Variants in PASD1 observed in about 807,000 individuals in gnomAD.
PASD1 encodes circadian clock protein PASD1.
PASD1 carries 13 observed loss-of-function variants against 58.8 expected under a neutral mutation model. The ratio of observed to expected loss-of-function variants is 0.22; its 90% confidence interval spans 0.14 to 0.35. PASD1 has a LOEUF of 0.35. PASD1 is among the 10% of genes least tolerant of loss of function. The pLI, the probability that PASD1 is intolerant of heterozygous loss-of-function variation, is 1.00. For synonymous variants in PASD1, 236 were observed against 216.7 expected, an observed-to-expected ratio of 1.09 and a Z score of -0.78; for missense variants, 734 against 568.3, an observed-to-expected ratio of 1.29 and a Z score of -2.96.
rs2012999176 is a variant in PASD1, at chrX:151,576,025, A to G, written c.-28+12186A>G. 5.4e-4 allele frequency among the ~76,000 whole-genome samples: 13 copies of G among 24,263 alleles called. 1 individual carries two copies. The South Asian group carries it at 0.07, about 130-fold the overall frequency. 21.1% of individuals were successfully genotyped at this position (24,263 alleles called of 115,157 possible). ...ATTACAGGCACCTGCCACCATACCT[A>G]ATTTTTTTTTTTTTGTATTTTTAGA... is the stretch of plus-strand genomic sequence containing the variant. On this transcript the variant is annotated intron_variant, in intron 1 of 15. Coordinates refer to ENST00000370357, the MANE Select transcript of PASD1 (RefSeq NM_173493.3).
At chrX:151,658,665 A>G (rs1005275285) in intron 9 of PASD1, among the ~76,000 whole-genome samples, 3 of 112,214 alleles carry the variant, frequency 2.7e-5, no homozygotes, top group African/African-American at 9.7e-5. Context: ...GGAGTATAAA[A>G]CATAGTCATT....
intron 8 of PASD1, among the ~76,000 whole-genome samples, chrX:151,642,604 T>C (rs771394015): frequency 8.9e-6 from 1 of 112,382 alleles, no homozygotes; most frequent in East Asian, 2.8e-4. Flanking sequence ...GAATGCATTT[T>C]CTAATTTTTC....
At chrX:151,656,425 T>C (rs1323304212) in intron 9 of PASD1, among the ~76,000 whole-genome samples, 5 of 111,865 alleles carry the variant, frequency 4.5e-5, no homozygotes, top group Admixed American at 1.9e-4. Context: ...GGGGATGGCA[T>C]TGAATCTATA....
At chrX:151,570,204 T>A (rs1163027644) in intron 1 of PASD1, among the ~76,000 whole-genome samples, 1 of 111,261 alleles carries the variant, frequency 9.0e-6, no homozygotes, top group African/African-American at 3.3e-5. Context: ...CTTCTCAAAG[T>A]TGAAATAAAG....
At chrX:151,671,006 A>T (rs1401230853) in intron 11 of PASD1, 32 bp from the exon 12 acceptor site, 1 of 1,195,893 alleles carries the variant, frequency 8.4e-7, no homozygotes, top group African/African-American at 1.8e-5. Flanking sequence ...CAGTGTTGCT[A>T]TACATGAACC....
intron 14 of PASD1, chrX:151,673,280 A>C (rs1403999836): frequency 8.5e-6 from 1 of 116,984 alleles, no homozygotes; most frequent in Non-Finnish European, 1.8e-5. Context: ...TCAGCAATGA[A>C]AGGATTGCTT....
chrX:151,661,722 T>G (rs2124309029), intron 10 of PASD1, among the ~76,000 whole-genome samples: 1 of 109,367 alleles, frequency 9.1e-6, no homozygotes, highest in Admixed American at 9.8e-5. Flanking sequence ...GTGTTTTTAG[T>G]TTCTTCCAGT....
In PASD1 at chrX:151,672,234, C is replaced by T. The variant is rs779976833; in HGVS notation, c.1489C>T (p.Arg497Trp). ...CCTGAAGGAGCAGCAGCGGCAGCTGCGGGAGCAGCTGCAACAGCTGAGAGA... is the reference window on the plus strand; with the variant it reads ...CCTGAAGGAGCAGCAGCGGCAGCTGTGGGAGCAGCTGCAACAGCTGAGAGA... ...QHLKEQQRQL[R>W]EQLQQLREQR... Residue 497 changes from arginine (R) to tryptophan (W), a missense_variant, in exon 14 of 16, where the codon CGG (arginine) becomes TGG (tryptophan). Physicochemically the swap from Arg to Trp is moderately radical, Grantham distance 101. Coordinates refer to ENST00000370357, the MANE Select transcript of PASD1 (RefSeq NM_173493.3). The T allele has an allele frequency of 9.7e-5, 110 of 1,138,102 alleles. No homozygotes were observed. The highest frequency in any genetic ancestry group is 1.5e-4 in the African/African-American group (8 of 54,838). 93.8% of individuals were successfully genotyped at this position (1,138,102 alleles called of 1,213,427 possible).
chrX:151,664,760 C>T (rs189442213), intron 11 of PASD1, among the ~76,000 whole-genome samples: 1 of 112,022 alleles, frequency 8.9e-6, no homozygotes, highest in Admixed American at 9.5e-5. Flanking sequence ...CCAACCCTCT[C>T]CCTGCACCAC....
chrX:151,652,541 A>C (rs1441051432), intron 9 of PASD1, among the ~76,000 whole-genome samples: 5 of 105,506 alleles, frequency 4.7e-5, no homozygotes, highest in African/African-American at 1.4e-4. Context: ...TCAAAAAAAA[A>C]AAAAACAAAA....
chrX:151,634,278 C>G (rs1166199725), intron 8 of PASD1, among the ~76,000 whole-genome samples: 1 of 110,681 alleles, frequency 9.0e-6, no homozygotes, highest in Non-Finnish European at 1.9e-5. Context: ...TTCTCTCTCT[C>G]TTCATATAGA....
chrX:151,579,321 G>A (rs994634284), intron 1 of PASD1, among the ~76,000 whole-genome samples: 7 of 111,931 alleles, frequency 6.3e-5, no homozygotes, highest in African/African-American at 2.3e-4. Context: ...AATAAGGTGA[G>A]TGACTAGAAA....
At chrX:151,601,395 A>G (rs947450118) in intron 1 of PASD1, 132 bp from the exon 2 acceptor site, 8 of 446,803 alleles carry the variant, frequency 1.8e-5, no homozygotes, top group East Asian at 3.7e-5. Context: ...ATGAAAGCCT[A>G]TCTTTAAAAG....
At chrX:151,638,211 C>T (rs184944108) in intron 8 of PASD1, among the ~76,000 whole-genome samples, 215 of 109,252 alleles carry the variant, frequency 2.0e-3, no homozygotes, top group Non-Finnish European at 3.6e-3. Flanking sequence ...AACCAAACAC[C>T]GCATGTTCTC....
At chrX:151,614,866 G>A (rs1052687928) in intron 4 of PASD1, among the ~76,000 whole-genome samples, 2 of 111,546 alleles carry the variant, frequency 1.8e-5, no homozygotes, top group African/African-American at 6.5e-5. Flanking sequence ...TGCTAGAATC[G>A]ATCTCTTTTA....
In PASD1 at chrX:151,669,593, C is replaced by T. The variant is rs766491867; in HGVS notation, c.1072-1445C>T. 2.1e-4 allele frequency among the ~76,000 whole-genome samples: 23 copies of T among 111,168 alleles called. No individual in the cohort carries two copies. In the South Asian group the frequency reaches 2.7e-3, roughly 13 times the overall value. On this transcript the variant is annotated intron_variant, in intron 11 of 15. Coordinates refer to ENST00000370357, the MANE Select transcript of PASD1 (RefSeq NM_173493.3). ...CTGGTAACCACCATTCTACTCTCCA[C>T]CTCCATGATATCAACATTTTTAACT...
intron 8 of PASD1, among the ~76,000 whole-genome samples, chrX:151,635,669 A>G (rs980640599): frequency 8.9e-6 from 1 of 112,025 alleles, no homozygotes; most frequent in Non-Finnish European, 1.9e-5. Context: ...AACCTTCTAA[A>G]TTGAGTTTAA....
rs751785824 is a variant in PASD1, at chrX:151,609,386, T to C, written c.118-2278T>C. ...AGTGGCATTAAGTACATTCACATTA[T>C]TGTGCAACCATCACCACCATCCATT... On this transcript the variant is annotated intron_variant, in intron 3 of 15. Coordinates refer to ENST00000370357, the MANE Select transcript of PASD1 (RefSeq NM_173493.3). Among the ~76,000 whole-genome samples the C allele has an allele frequency of 1.1e-3, 119 of 112,019 alleles. 1 individual carries two copies. Among genetic ancestry groups the C allele is most frequent in the Non-Finnish European group, 1.8e-3 (96 of 53,126 alleles).
chrX:151,580,508 CTTTTTT>C (rs200293926), intron 1 of PASD1, among the ~76,000 whole-genome samples: 2 of 67,183 alleles, frequency 3.0e-5, no homozygotes, highest in Non-Finnish European at 3.0e-5. Flanking sequence ...TTCTTTTTTT[CTTTTTT>C]TTTTTTTTTT....
Sources: gnomAD v4.1 joint callset for allele counts (sites outside exome capture counted in the v4.1 genomes callset) on GRCh38, gnomAD v4.1.1 for gene constraint, MANE v1.5 for transcripts, NCBI Gene and HGNC (gene_info 2026-07-23, HGNC 2026-07-21) for gene names.